CNBD1: variants seen among roughly 807,000 people sequenced by gnomAD.
The protein encoded by CNBD1 is cyclic nucleotide-binding domain-containing protein 1.
Under a neutral mutation model 54.4 loss-of-function variants are expected in CNBD1, and 71 were observed. The observed-to-expected ratio is 1.30, with a 90% CI of 1.08 to 1.59. CNBD1 has a LOEUF of 1.59. CNBD1 is among the 40% of genes most tolerant of loss of function. The pLI is 0.00. For synonymous variants in CNBD1, 182 were observed against 170.7 expected (o/e 1.07, Z -0.51); for missense variants, 659 against 518.0 (o/e 1.27, Z -2.64).
At chr8:87,291,787 C>G (rs1446717761) in intron 8 of CNBD1, among the ~76,000 whole-genome samples, 1 of 152,064 alleles carries the variant, frequency 6.6e-6, no homozygotes, top group Non-Finnish European at 1.5e-5. Context: ...CCTGGCTTTC[C>G]TTGTATTATC....
chr8:87,057,866 G>GACAC (rs552271045), intron 4 of CNBD1, among the ~76,000 whole-genome samples: 1 of 150,572 alleles, frequency 6.6e-6, no homozygotes, highest in African/African-American at 2.4e-5. Context: ...GATAAACAAA[G>GACAC]ACACACACAC....
intron 4 of CNBD1, among the ~76,000 whole-genome samples, chr8:87,139,608 C>A (rs745544209): frequency 3.5e-4 from 53 of 152,086 alleles, no homozygotes; most frequent in Admixed American, 1.1e-3. Flanking sequence ...TGTCAGGGAG[C>A]AGGTGAGGTT....
At chr8:87,214,247 C>T (rs998747301) in intron 5 of CNBD1, among the ~76,000 whole-genome samples, 5 of 152,170 alleles carry the variant, frequency 3.3e-5, no homozygotes, top group African/African-American at 1.2e-4. Flanking sequence ...GCACCCAAGT[C>T]ACCTCTTGAA....
At chr8:87,310,245 C>T (rs1809236961) in intron 8 of CNBD1, among the ~76,000 whole-genome samples, 3 of 151,994 alleles carry the variant, frequency 2.0e-5, no homozygotes, top group Admixed American at 1.3e-4. Flanking sequence ...AGTCCCAGCA[C>T]TCAGGAAGCT....
intron 3 of CNBD1, among the ~76,000 whole-genome samples, chr8:86,934,210 A>T (rs899140034): frequency 2.0e-5 from 3 of 152,136 alleles, no homozygotes; most frequent in African/African-American, 7.2e-5. Context: ...AATGGTACCT[A>T]TGATTATTTT....
chr8:86,942,086 T>A (rs1440956732), intron 4 of CNBD1, among the ~76,000 whole-genome samples: 1 of 152,182 alleles, frequency 6.6e-6, no homozygotes, highest in Non-Finnish European at 1.5e-5. Context: ...TTATGAGATG[T>A]TTAATATTAA....
chr8:87,146,956 G>T (rs1263171501), intron 4 of CNBD1, among the ~76,000 whole-genome samples: 1 of 152,002 alleles, frequency 6.6e-6, no homozygotes, highest in Admixed American at 6.6e-5. Flanking sequence ...CTTTAAATCT[G>T]CCAGTGGCTT....
At chr8:87,251,631 A>ACTTTTGT (rs1185086718) in intron 6 of CNBD1, among the ~76,000 whole-genome samples, 1 of 151,270 alleles carries the variant, frequency 6.6e-6, no homozygotes, top group Non-Finnish European at 1.5e-5. Context: ...TGGATTGACT[A>ACTTTTGT]CTTTTGTCTA....
chr8:87,326,139 T>A (rs1809664769), intron 8 of CNBD1, among the ~76,000 whole-genome samples: 1 of 132,332 alleles, frequency 7.6e-6, no homozygotes, highest in Admixed American at 7.5e-5. Context: ...ACCCCCACTC[T>A]CTTCTGGCTT....
intron 5 of CNBD1, among the ~76,000 whole-genome samples, chr8:87,212,848 T>C (rs927403153): frequency 2.0e-5 from 3 of 152,276 alleles, no homozygotes; most frequent in African/African-American, 7.2e-5. Flanking sequence ...AAAAATTGAA[T>C]AATTTGGACC....
downstream of CNBD1, among the ~76,000 whole-genome samples, chr8:87,384,692 A>G (rs1811149064): frequency 6.6e-6 from 1 of 152,194 alleles, no homozygotes; most frequent in African/African-American, 2.4e-5. Context: ...ACTAAGGACT[A>G]TCAAATGGGC....
At chr8:87,197,502 A>G (rs1813747284) in intron 4 of CNBD1, among the ~76,000 whole-genome samples, 1 of 152,150 alleles carries the variant, frequency 6.6e-6, no homozygotes, top group Non-Finnish European at 1.5e-5. Flanking sequence ...CCAGGGCCAA[A>G]TAAGTTAATA....
At chr8:87,016,543 T>C (rs1809360315) in intron 4 of CNBD1, among the ~76,000 whole-genome samples, 3 of 151,924 alleles carry the variant, frequency 2.0e-5, no homozygotes, top group Middle Eastern at 3.4e-3. Flanking sequence ...GGCAAAACCA[T>C]GTAACTATTT....
At chr8:87,055,513 G>A (rs1281965634) in intron 4 of CNBD1, among the ~76,000 whole-genome samples, 1 of 151,848 alleles carries the variant, frequency 6.6e-6, no homozygotes, top group Non-Finnish European at 1.5e-5. Flanking sequence ...GTTTTCCTGG[G>A]AGCCCACTAA....
chr8:87,189,187 A>G (rs1248661465), intron 4 of CNBD1, among the ~76,000 whole-genome samples: 1 of 152,152 alleles, frequency 6.6e-6, no homozygotes, highest in Non-Finnish European at 1.5e-5. Flanking sequence ...TGACTTTTGA[A>G]GTGTTTTGAG....
chr8:87,298,732 C>T (rs964025097), intron 8 of CNBD1, among the ~76,000 whole-genome samples: 2 of 151,880 alleles, frequency 1.3e-5, no homozygotes, highest in African/African-American at 2.4e-5. Context: ...GATTTGCCTT[C>T]CTCGGCCTCC....
intron 10 of CNBD1, among the ~76,000 whole-genome samples, chr8:87,360,301 A>C (rs1476188189): frequency 1.3e-5 from 2 of 151,924 alleles, no homozygotes; most frequent in African/African-American, 4.8e-5. Flanking sequence ...AATATTTAAA[A>C]GGACTTGAGG....
At chr8:86,937,745 C>A (rs1359584743) in intron 3 of CNBD1, among the ~76,000 whole-genome samples, 1 of 152,106 alleles carries the variant, frequency 6.6e-6, no homozygotes, top group African/African-American at 2.4e-5. Flanking sequence ...TTTTTTCCTC[C>A]TAGGCCCTGT....
intron 6 of CNBD1, among the ~76,000 whole-genome samples, chr8:87,277,784 G>T (rs10104034): frequency 0.66 from 99,738 of 151,382 alleles, 33,442 homozygotes; most frequent in African/African-American, 0.76. Context: ...AGATGACATA[G>T]CTAGAACAAT....
Sources: gnomAD v4.1 joint callset for allele counts (sites outside exome capture counted in the v4.1 genomes callset) on GRCh38, gnomAD v4.1.1 for gene constraint, MANE v1.5 for transcripts, NCBI Gene and HGNC (gene_info 2026-07-23, HGNC 2026-07-21) for gene names.